Variants in METTL25 observed in about 807,000 individuals in gnomAD.
METTL25 encodes the protein probable methyltransferase-like protein 25.
A neutral mutation model predicts 71.6 loss-of-function variants in METTL25; 64 were observed. That is an observed-to-expected ratio of 0.89 (90% CI 0.73 to 1.10). The LOEUF is 1.10. METTL25 is among the 50% of genes least tolerant of loss of function. METTL25 has a pLI of 0.00. For synonymous variants in METTL25, 287 were observed against 250.3 expected, an observed-to-expected ratio of 1.15 and a Z score of -1.38; for missense variants, 807 against 707.0, an observed-to-expected ratio of 1.14 and a Z score of -1.60.
intron 1 of METTL25, among the ~76,000 whole-genome samples, chr12:82,373,592 A>C (rs1244787854): frequency 6.6e-6 from 1 of 152,182 alleles, no homozygotes; most frequent in South Asian, 2.1e-4. Context: ...CCCAGGAGGC[A>C]AGGGTCAGGA....
intron 6 of METTL25, among the ~76,000 whole-genome samples, chr12:82,432,641 C>T (rs527970291): frequency 1.3e-5 from 2 of 151,602 alleles, no homozygotes; most frequent in South Asian, 2.1e-4. Flanking sequence ...ATAGAATTAG[C>T]AGACCATGCT....
intron 5 of METTL25, among the ~76,000 whole-genome samples, chr12:82,426,013 A>T (rs1015505501): frequency 1.3e-5 from 2 of 152,082 alleles, no homozygotes; most frequent in African/African-American, 4.8e-5. Context: ...AGGATGATTA[A>T]TGCTTAATTT....
At chr12:82,386,123 A>T (rs147461624) in intron 1 of METTL25, among the ~76,000 whole-genome samples, 1 of 152,232 alleles carries the variant, frequency 6.6e-6, no homozygotes, top group East Asian at 1.9e-4. Context: ...ATGGGAAGAA[A>T]ATGAGTTGTT....
At chr12:82,466,974 G>A (rs931691633) in intron 9 of METTL25, among the ~76,000 whole-genome samples, 1 of 151,774 alleles carries the variant, frequency 6.6e-6, no homozygotes. Flanking sequence ...AGTCTGGAGA[G>A]CCATGGCATG....
intron 1 of METTL25, among the ~76,000 whole-genome samples, chr12:82,375,892 T>C (rs373460258): frequency 6.6e-6 from 1 of 152,328 alleles, no homozygotes; most frequent in East Asian, 1.9e-4. Flanking sequence ...ACTTAGCATT[T>C]TATCAGTATG....
chr12:82,418,124 T>G (rs781233891), intron 5 of METTL25, among the ~76,000 whole-genome samples: 3 of 152,028 alleles, frequency 2.0e-5, no homozygotes, highest in Non-Finnish European at 4.4e-5. Context: ...CTGAATATAT[T>G]TTATATGTAT....
intron 5 of METTL25, among the ~76,000 whole-genome samples, chr12:82,423,589 A>G (rs994631906): frequency 2.0e-5 from 3 of 152,250 alleles, no homozygotes; most frequent in African/African-American, 4.8e-5. Flanking sequence ...AGAAACTACC[A>G]TCGGAGTGAA....
At chr12:82,387,670 C>A (rs950192027) in intron 2 of METTL25, among the ~76,000 whole-genome samples, 1 of 151,784 alleles carries the variant, frequency 6.6e-6, no homozygotes, top group Non-Finnish European at 1.5e-5. Flanking sequence ...ACCATGTGTT[C>A]ACATTTTGCC....
intron 3 of METTL25, among the ~76,000 whole-genome samples, chr12:82,391,338 G>A (rs2136965367): frequency 6.6e-6 from 1 of 152,164 alleles, no homozygotes; most frequent in Non-Finnish European, 1.5e-5. Flanking sequence ...TTTTAGTCAG[G>A]ATTCCTATGG....
chr12:82,377,712 T>C (rs1159757986), intron 1 of METTL25, among the ~76,000 whole-genome samples: 1 of 152,192 alleles, frequency 6.6e-6, no homozygotes, highest in Admixed American at 6.5e-5. Flanking sequence ...GAATTGTTTG[T>C]CGTAATTTAA....
At chr12:82,392,440 A>G (rs1266071820) in intron 3 of METTL25, among the ~76,000 whole-genome samples, 4 of 151,872 alleles carry the variant, frequency 2.6e-5, no homozygotes, top group Non-Finnish European at 5.9e-5. Context: ...TGAACTCATC[A>G]TTTTTTATGG....
At chr12:82,462,458 C>A (rs752834117) in intron 9 of METTL25, among the ~76,000 whole-genome samples, 14 of 152,014 alleles carry the variant, frequency 9.2e-5, no homozygotes, top group Non-Finnish European at 1.8e-4. Context: ...TGAGAACATA[C>A]CGTATTTAAT....
intron 5 of METTL25, among the ~76,000 whole-genome samples, chr12:82,414,430 CTTCAATATA>C (rs1431970036): frequency 2.0e-5 from 3 of 152,252 alleles, no homozygotes; most frequent in Admixed American, 1.3e-4. Context: ...AGAAATGGAA[CTTCAATATA>C]TTTTGCTTAT....
intron 5 of METTL25, among the ~76,000 whole-genome samples, chr12:82,426,977 A>C (rs550402799): frequency 6.6e-6 from 1 of 151,848 alleles, no homozygotes; most frequent in East Asian, 1.9e-4. Flanking sequence ...ATTAGCTACC[A>C]CCAGAGCCTG....
At chr12:82,397,405 T>C (rs1707821895) in intron 3 of METTL25, among the ~76,000 whole-genome samples, 1 of 152,106 alleles carries the variant, frequency 6.6e-6, no homozygotes, top group Admixed American at 6.6e-5. Context: ...GTTTTGCAAG[T>C]ATTTCTTTTC....
At chr12:82,359,515 A>G (rs1881519741) in intron 1 of METTL25, among the ~76,000 whole-genome samples, 1 of 152,260 alleles carries the variant, frequency 6.6e-6, no homozygotes, top group African/African-American at 2.4e-5. Context: ...ATTTGAAAAG[A>G]TAACTGTGAA....
At chr12:82,421,951 C>T (rs150036994) in intron 5 of METTL25, among the ~76,000 whole-genome samples, 1,924 of 152,260 alleles carry the variant, frequency 0.013, 17 homozygotes, top group Middle Eastern at 0.02. Flanking sequence ...GATTCACAGC[C>T]GAATTCTACC....
intron 8 of METTL25, among the ~76,000 whole-genome samples, chr12:82,451,893 GTT>G (rs140727117): frequency 1.1e-3 from 167 of 152,164 alleles, no homozygotes; most frequent in African/African-American, 3.4e-3. Context: ...ACAGTAAACA[GTT>G]TATCTTAGGA....
At chr12:82,470,965 T>G (rs1892537344) in intron 9 of METTL25, among the ~76,000 whole-genome samples, 1 of 152,200 alleles carries the variant, frequency 6.6e-6, no homozygotes, top group South Asian at 2.1e-4. Flanking sequence ...GCTTGGGGTT[T>G]AGAGGTGCTC....
Sources: gnomAD v4.1 joint callset for allele counts (sites outside exome capture counted in the v4.1 genomes callset) on GRCh38, gnomAD v4.1.1 for gene constraint, MANE v1.5 for transcripts, NCBI Gene and HGNC (gene_info 2026-07-23, HGNC 2026-07-21) for gene names.